ASTN2: variants seen among roughly 807,000 people sequenced by gnomAD.
The protein encoded by ASTN2 is astrotactin 2.
ASTN2 carries 54 observed loss-of-function variants against 139.8 expected under a neutral mutation model. That is an observed-to-expected ratio of 0.39 (90% CI 0.31 to 0.48). The LOEUF is 0.48. Ranked by LOEUF, ASTN2 falls within the 20% of genes least tolerant of loss-of-function variation. ASTN2 has a pLI of 0.95. For missense variants in ASTN2, 1,565 were observed against 1,725.1 expected (o/e 0.91, Z 1.64); for synonymous variants, 756 against 719.5 (o/e 1.05, Z -0.81).
intron 5 of ASTN2, among the ~76,000 whole-genome samples, chr9:117,064,632 T>C (rs1827876010): frequency 1.3e-5 from 2 of 152,094 alleles, no homozygotes; most frequent in African/African-American, 2.4e-5. Flanking sequence ...AGTGGAATAA[T>C]AGACATTGGA....
At chr9:116,900,914 C>A (rs1833992234) in intron 10 of ASTN2, among the ~76,000 whole-genome samples, 2 of 152,136 alleles carry the variant, frequency 1.3e-5, no homozygotes, top group Non-Finnish European at 2.9e-5. Context: ...CCCGGCTTGC[C>A]AGCGGGTAAA....
chr9:116,794,931 G>A, intron 13 of ASTN2, among the ~76,000 whole-genome samples: 1 of 152,152 alleles, frequency 6.6e-6, no homozygotes, highest in South Asian at 2.1e-4. Context: ...TATTGGGCAA[G>A]TGGCACTTCT....
intron 12 of ASTN2, among the ~76,000 whole-genome samples, chr9:116,815,079 C>T (rs751570054): frequency 4.6e-5 from 7 of 152,120 alleles, no homozygotes; most frequent in Non-Finnish European, 7.4e-5. Flanking sequence ...AAGGTGGAAA[C>T]CACAATAAAA....
chr9:117,357,838 T>C (rs1829584519), intron 1 of ASTN2, among the ~76,000 whole-genome samples: 1 of 152,174 alleles, frequency 6.6e-6, no homozygotes, highest in East Asian at 1.9e-4. Flanking sequence ...TAAGGTCCTC[T>C]TGGAAGTCTG....
intron 1 of ASTN2, among the ~76,000 whole-genome samples, chr9:117,392,609 A>G (rs1023416345): frequency 6.6e-6 from 1 of 152,232 alleles, no homozygotes; most frequent in Non-Finnish European, 1.5e-5. Flanking sequence ...TGCCCACATC[A>G]GAAGGCTACA....
chr9:116,949,139 C>T (rs1835487843), intron 10 of ASTN2, among the ~76,000 whole-genome samples: 1 of 151,876 alleles, frequency 6.6e-6, no homozygotes, highest in Admixed American at 6.6e-5. Flanking sequence ...CAAAATATAT[C>T]CCGGCAAACT....
chr9:116,829,746 C>G (rs1831749009), intron 11 of ASTN2, among the ~76,000 whole-genome samples: 1 of 152,142 alleles, frequency 6.6e-6, no homozygotes, highest in Non-Finnish European at 1.5e-5. Context: ...CTGGGGATTA[C>G]AATTCAACAT....
In ASTN2 at chr9:117,340,921, T is replaced by C. The variant is rs16934525; in HGVS notation, c.443-49408A>G. On this transcript the variant is annotated intron_variant, in intron 1 of 22. Transcript: ENST00000313400. ...AGGCAGGACCACTACTCAATAACCA[T>C]GTGGGGCCTTTGCATGGTCTTGTGC... Among the ~76,000 whole-genome samples, 1,398 of 152,204 alleles carry C rather than the reference T, an allele frequency of 9.2e-3. 20 individuals are homozygous for C. Among genetic ancestry groups the C allele is most frequent in the African/African-American group, 0.032 (1,329 of 41,520 alleles).
chr9:116,929,894 A>C (rs1421327721), intron 10 of ASTN2, among the ~76,000 whole-genome samples: 1 of 152,200 alleles, frequency 6.6e-6, no homozygotes, highest in African/African-American at 2.4e-5. Flanking sequence ...AGGCCAGCAA[A>C]TGAGACTGTT....
chr9:116,532,675 TG>T (rs1851409437), intron 19 of ASTN2, among the ~76,000 whole-genome samples: 1 of 152,204 alleles, frequency 6.6e-6, no homozygotes, highest in Non-Finnish European at 1.5e-5. Context: ...TAGTTGTAGA[TG>T]TGTGGTATTA....
At chr9:116,872,996 A>T (rs574542876) in intron 10 of ASTN2, among the ~76,000 whole-genome samples, 39 of 152,310 alleles carry the variant, frequency 2.6e-4, no homozygotes, top group African/African-American at 8.9e-4. Context: ...AAGGTTAAAA[A>T]GCAGATCCTG....
At chr9:116,982,381 C>G (rs1409211620) in intron 7 of ASTN2, among the ~76,000 whole-genome samples, 1 of 152,080 alleles carries the variant, frequency 6.6e-6, no homozygotes, top group Non-Finnish European at 1.5e-5. Flanking sequence ...GCTGAGAACA[C>G]AAAACAGCTG....
intron 3 of ASTN2, 31 bp from the exon 4 acceptor site, chr9:117,141,509 G>C (rs763227997): frequency 7.4e-7 from 1 of 1,357,948 alleles, no homozygotes; most frequent in South Asian, 1.1e-5. Flanking sequence ...TGAGGTTAGG[G>C]CTTGAGCCCA....
intron 7 of ASTN2, among the ~76,000 whole-genome samples, chr9:117,007,165 T>A (rs1837378115): frequency 6.6e-6 from 1 of 152,106 alleles, no homozygotes; most frequent in Non-Finnish European, 1.5e-5. Context: ...TGCTCAAATG[T>A]CATCTTCTCA....
intron 10 of ASTN2, among the ~76,000 whole-genome samples, chr9:116,867,297 A>C (rs548018696): frequency 1.7e-4 from 26 of 152,182 alleles, no homozygotes; most frequent in Admixed American, 1.2e-3. Context: ...GAGAGTGAGA[A>C]AAGAGAGCAG....
chr9:116,549,811 G>T (rs1245218712), intron 19 of ASTN2, among the ~76,000 whole-genome samples: 2 of 152,072 alleles, frequency 1.3e-5, no homozygotes, highest in Non-Finnish European at 2.9e-5. Context: ...GGCATCTGAG[G>T]CCTCCCAAGT....
chr9:116,847,007 C>CAAAAAAAAAAAAAA (rs11302692), intron 11 of ASTN2, among the ~76,000 whole-genome samples: 53 of 75,734 alleles, frequency 7.0e-4, no homozygotes, highest in Non-Finnish European at 9.6e-4. Context: ...GCTTCATTCT[C>CAAAAAAAAAAAAAA]AAAAAAAAAA....
At chr9:117,370,076 C>T (rs1016962528) in intron 1 of ASTN2, among the ~76,000 whole-genome samples, 1 of 152,106 alleles carries the variant, frequency 6.6e-6, no homozygotes, top group Non-Finnish European at 1.5e-5. Flanking sequence ...TTCTATTAAC[C>T]CCACTTGGAA....
rs185439713 is a variant in ASTN2, at chr9:117,029,608, G to T, written c.1423+10211C>A. ...GAAGGCCGGAGATGGTGTTTTATCT[G>T]TCTCTCCACCCCAGTATCTGAGCAT... On this transcript the variant is annotated intron_variant, in intron 6 of 22. Transcript: ENST00000313400. Among the ~76,000 whole-genome samples, 12 of 151,968 alleles carry T rather than the reference G, an allele frequency of 7.9e-5. No homozygotes were observed. In the South Asian group the frequency reaches 1.9e-3, roughly 24 times the overall value.
Sources: allele counts gnomAD v4.1 joint callset (sites outside exome capture counted in the v4.1 genomes callset), GRCh38; gene constraint gnomAD v4.1.1; transcripts MANE v1.5; gene names NCBI Gene and HGNC (gene_info 2026-07-23, HGNC 2026-07-21).